NNT: variants seen among roughly 807,000 people sequenced by gnomAD.
The protein encoded by NNT is nicotinamide nucleotide transhydrogenase.
In NNT, 50 loss-of-function variants were observed where a neutral mutation model predicts 104.8. That is an observed-to-expected ratio of 0.48 (90% CI 0.38 to 0.60). The LOEUF is 0.60. Ranked by LOEUF, NNT falls within the 20% of genes least tolerant of loss-of-function variation. NNT has a pLI of 0.00. For missense variants in NNT, 1,131 were observed against 1,330.7 expected (o/e 0.85, Z 2.33); for synonymous variants, 461 against 490.4 (o/e 0.94, Z 0.79).
rs1305797289 is a variant in NNT at position 43,625,320 on chromosome 5, C to T, written c.776+1200C>T. On this transcript the variant is annotated intron_variant, in intron 6 of 21. Transcript: ENST00000344920. The stretch of plus-strand genomic sequence containing the variant: ...TTTTTTAGATTGTGTACAGAATCAA[C>T]AGCTAGAATATGGCTGTTGCTTATA... Among the ~76,000 whole-genome samples, 3 of 152,098 alleles carry T rather than the reference C, an allele frequency of 2.0e-5. No homozygotes were observed. The East Asian group carries it at 5.8e-4, about 29-fold the overall frequency.
Position 43,659,174 on chromosome 5 carries a change from G to A in NNT, c.2458G>A (p.Val820Met), listed in dbSNP as rs1351470553. ...TCTGATTTGATTGTTGTTCTAGGGTGTGACTTTGACAGCTGCTATTGGGGG... is the reference window on the plus strand; with the variant it reads ...TCTGATTTGATTGTTGTTCTAGGGTATGACTTTGACAGCTGCTATTGGGGG... ...SVSALSAVMG[V>M]TLTAAIGGAD... Residue 820 changes from valine (V) to methionine (M), a missense_variant, in exon 17 of 22, where the codon GTG (valine) becomes ATG (methionine). Val to Met is a conservative substitution (Grantham distance 21, BLOSUM62 1). Transcript: ENST00000344920. 6.3e-7 allele frequency: 1 copy of A among 1,598,996 alleles called. No homozygotes were observed. The highest frequency in any genetic ancestry group is 8.5e-7 in the Non-Finnish European group (1 of 1,173,070).
intron 19 of NNT, among the ~76,000 whole-genome samples, chr5:43,694,738 TTG>T (rs61079918): frequency 0.034 from 4,733 of 137,576 alleles, 109 homozygotes; most frequent in African/African-American, 0.074. Flanking sequence ...GGCCTAAAGT[TTG>T]TGTGTGTGTG....
chr5:43,674,583 G>A (rs1741308692), intron 17 of NNT, among the ~76,000 whole-genome samples: 2 of 152,180 alleles, frequency 1.3e-5, no homozygotes, highest in Admixed American at 1.3e-4. Context: ...GTTCTGAAGT[G>A]ATAAAGTCAG....
chr5:43,678,942 T>A (rs1424667433), intron 19 of NNT, among the ~76,000 whole-genome samples: 1 of 152,206 alleles, frequency 6.6e-6, no homozygotes, highest in East Asian at 1.9e-4. Flanking sequence ...TCCTCCAATC[T>A]ATAGTCTGTG....
chr5:43,704,328 C>A lies in NNT; in HGVS notation c.3185C>A (p.Thr1062Lys). The A allele has an allele frequency of 6.2e-7, 1 of 1,612,362 alleles. No homozygotes were observed. The highest frequency in any genetic ancestry group is 8.5e-7 in the Non-Finnish European group (1 of 1,179,208). Residue 1062 changes from threonine to lysine, a missense_variant, in exon 22 of 22, where the codon ACG (threonine) becomes AAG (lysine). Physicochemically the swap from Thr to Lys is moderately conservative, Grantham distance 78. Transcript: ENST00000344920. ...VDNPIFYKPN[T>K]AMLLGDAKKT... The stretch of plus-strand genomic sequence containing the variant: ...AATCCAATCTTCTACAAACCTAACA[C>A]GGCCATGCTTCTAGGTGATGCCAAG...
intron 6 of NNT, among the ~76,000 whole-genome samples, chr5:43,627,115 G>C (rs1210512600): frequency 2.0e-5 from 3 of 152,116 alleles, no homozygotes; most frequent in African/African-American, 7.2e-5. Flanking sequence ...ACCAGTTTCT[G>C]TCACTCCTCT....
intron 17 of NNT, among the ~76,000 whole-genome samples, chr5:43,663,034 T>G (rs1186287378): frequency 6.6e-6 from 1 of 152,192 alleles, no homozygotes; most frequent in East Asian, 1.9e-4. Flanking sequence ...CTTTTTTATA[T>G]GAATGTTTAA....
At chr5:43,680,315 A>G (rs571146851) in intron 19 of NNT, among the ~76,000 whole-genome samples, 1 of 152,082 alleles carries the variant, frequency 6.6e-6, no homozygotes, top group South Asian at 2.1e-4. Context: ...TGAACAAGAG[A>G]TGGCTGCAGC....
intron 17 of NNT, among the ~76,000 whole-genome samples, chr5:43,661,638 C>T: frequency 7.0e-6 from 1 of 143,804 alleles, no homozygotes; most frequent in Non-Finnish European, 1.5e-5. Flanking sequence ...TCAATTCCCA[C>T]CTATGAGTGA....
At chr5:43,606,673 C>T (rs887571680) in intron 1 of NNT, among the ~76,000 whole-genome samples, 9 of 152,204 alleles carry the variant, frequency 5.9e-5, no homozygotes, top group African/African-American at 2.2e-4. Context: ...GCTTTCCCTT[C>T]CTTTTCTGAG....
intron 5 of NNT, among the ~76,000 whole-genome samples, chr5:43,619,963 G>C (rs777162087): frequency 7.2e-5 from 11 of 151,998 alleles, no homozygotes; most frequent in Non-Finnish European, 1.5e-4. Flanking sequence ...AGGGAGCCAG[G>C]CTCTTCTATT....
intron 4 of NNT, 54 bp from the exon 5 acceptor site, chr5:43,618,978 T>C: frequency 9.2e-7 from 1 of 1,083,602 alleles, no homozygotes; most frequent in Non-Finnish European, 1.3e-6. Context: ...TATGTGAGTC[T>C]GAGATCTCTC....
At chr5:43,696,276 A>G (rs1269861083) in intron 19 of NNT, among the ~76,000 whole-genome samples, 1 of 152,188 alleles carries the variant, frequency 6.6e-6, no homozygotes, top group East Asian at 1.9e-4. Context: ...CAAGTTTGAA[A>G]TCCAGCAGGG....
intron 1 of NNT, among the ~76,000 whole-genome samples, chr5:43,604,065 G>A (rs1405962304): frequency 6.6e-6 from 1 of 152,210 alleles, no homozygotes; most frequent in Non-Finnish European, 1.5e-5. Context: ...GGACGGCACC[G>A]GTGGCAGTAG....
At position 43,649,160 on chromosome 5, in the gene NNT, A is replaced by G. The variant is rs780994745; in HGVS notation, c.1458A>G (p.Ile486Met). 27 of 1,614,022 alleles carry G rather than the reference A, an allele frequency of 1.7e-5. No individual in the cohort carries two copies. The highest frequency in any genetic ancestry group is 6.7e-5 in the Admixed American group (4 of 60,000). ...ASAYTAGLTG[I>M]LGLGIAAPNL... ...CTCTTTCTCTAGGTCTCACAGGGATACTGGGTTTGGGCATTGCGGCTCCCA... is the reference window on the plus strand; with the variant it reads ...CTCTTTCTCTAGGTCTCACAGGGATGCTGGGTTTGGGCATTGCGGCTCCCA... Residue 486 changes from isoleucine (I) to methionine (M), a missense_variant, in exon 11 of 22, where the codon ATA becomes ATG. Ile to Met is a conservative substitution (Grantham distance 10). Transcript: ENST00000344920.
At chr5:43,682,208 C>CTTTTTTTTTTT (rs71610326) in intron 19 of NNT, among the ~76,000 whole-genome samples, 51 of 100,232 alleles carry the variant, frequency 5.1e-4, no homozygotes, top group East Asian at 6.1e-4. Flanking sequence ...TAACTGGATT[C>CTTTTTTTTTTT]TTTTTTTTTT....
intron 18 of NNT, among the ~76,000 whole-genome samples, chr5:43,677,193 T>C (rs1386244174): frequency 3.9e-5 from 6 of 152,032 alleles, no homozygotes; most frequent in Non-Finnish European, 7.4e-5. Flanking sequence ...TTGGGAATCA[T>C]CAGATGGTTG....
At chr5:43,643,363 A>G (rs981456036) in intron 7 of NNT, among the ~76,000 whole-genome samples, 10 of 152,252 alleles carry the variant, frequency 6.6e-5, no homozygotes, top group Admixed American at 1.3e-4. Flanking sequence ...TATTAGCTCG[A>G]AAAGTCCTAA....
chr5:43,629,011 T>C (rs1240920234), intron 7 of NNT, among the ~76,000 whole-genome samples: 1 of 152,164 alleles, frequency 6.6e-6, no homozygotes, highest in Non-Finnish European at 1.5e-5. Flanking sequence ...CTCTGCAACT[T>C]AAACAACTTC....
Sources: allele counts gnomAD v4.1 joint callset (sites outside exome capture counted in the v4.1 genomes callset), GRCh38; gene constraint gnomAD v4.1.1; transcripts MANE v1.5; gene names NCBI Gene and HGNC (gene_info 2026-07-23, HGNC 2026-07-21).